THRB: variants seen among roughly 807,000 people sequenced by gnomAD.
THRB encodes thyroid hormone receptor beta.
In THRB, 12 loss-of-function variants were observed where a neutral mutation model predicts 47.8. The observed-to-expected ratio is 0.25, with a 90% CI of 0.16 to 0.41. The LOEUF is 0.41. THRB is among the 10% of genes least tolerant of loss of function. THRB has a pLI of 1.00. For missense variants in THRB, 348 were observed against 589.2 expected, an observed-to-expected ratio of 0.59 and a Z score of 4.24; for synonymous variants, 218 against 212.2, an observed-to-expected ratio of 1.03 and a Z score of -0.24.
chr3:24,142,902 A>G (rs6800731), intron 8 of THRB, among the ~76,000 whole-genome samples: 1,866 of 152,320 alleles, frequency 0.012, 31 homozygotes, highest in African/African-American at 0.042. Flanking sequence ...CACAACTGGT[A>G]ATTTTTATAA....
intron 3 of THRB, among the ~76,000 whole-genome samples, chr3:24,270,885 G>T (rs951237405): frequency 3.3e-5 from 5 of 152,158 alleles, no homozygotes; most frequent in African/African-American, 1.2e-4. Flanking sequence ...ATCTCACACA[G>T]AAATGTTTAG....
intron 4 of THRB, among the ~76,000 whole-genome samples, chr3:24,228,638 A>G (rs974385697): frequency 5.2e-4 from 52 of 100,144 alleles, no homozygotes; most frequent in Admixed American, 8.2e-4. Flanking sequence ...GTCTCAAAGA[A>G]AAAAAAAAAA....
intron 3 of THRB, among the ~76,000 whole-genome samples, chr3:24,276,122 C>T (rs565242875): frequency 1.3e-5 from 2 of 151,924 alleles, no homozygotes; most frequent in South Asian, 4.2e-4. Context: ...CTTGGAGACT[C>T]AAGGACAAGT....
At chr3:24,123,379 C>G (rs1031289858) in intron 10 of THRB, among the ~76,000 whole-genome samples, 4 of 152,106 alleles carry the variant, frequency 2.6e-5, no homozygotes, top group African/African-American at 9.7e-5. Context: ...TGTGAATTAC[C>G]TTCTTGAGTG....
intron 1 of THRB, among the ~76,000 whole-genome samples, chr3:24,470,156 G>A (rs1455634871): frequency 6.6e-6 from 1 of 152,144 alleles, no homozygotes; most frequent in Non-Finnish European, 1.5e-5. Context: ...TCCTAGCTTT[G>A]CTTGAATATC....
intron 2 of THRB, among the ~76,000 whole-genome samples, chr3:24,327,162 T>C (rs2061650748): frequency 6.6e-6 from 1 of 152,146 alleles, no homozygotes; most frequent in Non-Finnish European, 1.5e-5. Flanking sequence ...TTACAAAAAC[T>C]TGTGTTTAGA....
chr3:24,403,525 T>C (rs1419575284), intron 1 of THRB, among the ~76,000 whole-genome samples: 2 of 91,154 alleles, frequency 2.2e-5, no homozygotes, highest in African/African-American at 6.9e-5. Flanking sequence ...CATTACTTTT[T>C]CACTGTGTTG....
At chr3:24,171,954 C>G (rs1483660110) in intron 5 of THRB, among the ~76,000 whole-genome samples, 3 of 152,032 alleles carry the variant, frequency 2.0e-5, no homozygotes, top group African/African-American at 7.2e-5. Flanking sequence ...AATACAGTCC[C>G]AAGAGATGAT....
intron 1 of THRB, among the ~76,000 whole-genome samples, chr3:24,489,909 G>A (rs938853090): frequency 4.6e-5 from 7 of 152,104 alleles, no homozygotes; most frequent in African/African-American, 1.4e-4. Context: ...AAGCTCACCG[G>A]TCTAAATATA....
chr3:24,450,693 CTG>C (rs2072562170), intron 1 of THRB, among the ~76,000 whole-genome samples: 1 of 152,014 alleles, frequency 6.6e-6, no homozygotes, highest in African/African-American at 2.4e-5. Flanking sequence ...AAATGAAAAA[CTG>C]GGGTTAAAAA....
chr3:24,390,797 A>AAAT (rs5847290), intron 1 of THRB, among the ~76,000 whole-genome samples: 2,939 of 137,816 alleles, frequency 0.021, 49 homozygotes, highest in African/African-American at 0.033. Flanking sequence ...AAAAAAAAAA[A>AAAT]ATATATATAT....
intron 6 of THRB, among the ~76,000 whole-genome samples, chr3:24,150,452 T>C (rs2036752011): frequency 6.6e-6 from 1 of 152,122 alleles, no homozygotes; most frequent in Non-Finnish European, 1.5e-5. Flanking sequence ...AGAAACAGGA[T>C]TCTGACCTGA....
intron 1 of THRB, among the ~76,000 whole-genome samples, chr3:24,440,447 A>T (rs1047127617): frequency 6.6e-6 from 1 of 152,198 alleles, no homozygotes; most frequent in African/African-American, 2.4e-5. Flanking sequence ...TGCCTTTTTC[A>T]AGACGCAGCC....
chr3:24,126,922 A>G (rs2032939580), intron 10 of THRB, among the ~76,000 whole-genome samples: 1 of 152,220 alleles, frequency 6.6e-6, no homozygotes, highest in Non-Finnish European at 1.5e-5. Flanking sequence ...TTGGAAATCA[A>G]CAGCCAAGTA....
At chr3:24,170,939 T>C (rs1265429004) in intron 5 of THRB, among the ~76,000 whole-genome samples, 1 of 152,216 alleles carries the variant, frequency 6.6e-6, no homozygotes, top group Admixed American at 6.5e-5. Flanking sequence ...GATATCTGTC[T>C]GTCTAAAATC....
At chr3:24,365,095 C>G (rs2064359303) in intron 1 of THRB, among the ~76,000 whole-genome samples, 1 of 151,976 alleles carries the variant, frequency 6.6e-6, no homozygotes, top group African/African-American at 2.4e-5. Context: ...ATTTCTAAAC[C>G]CTGTGTTTAT....
chr3:24,417,571 G>A (rs2068867257), intron 1 of THRB, among the ~76,000 whole-genome samples: 1 of 151,824 alleles, frequency 6.6e-6, no homozygotes, highest in Non-Finnish European at 1.5e-5. Context: ...TATAATGTTA[G>A]CGTATTAGTA....
chr3:24,135,932 T>A (rs2034614372), intron 8 of THRB, among the ~76,000 whole-genome samples: 1 of 150,606 alleles, frequency 6.6e-6, no homozygotes, highest in African/African-American at 2.4e-5. Flanking sequence ...AATTAAGAAG[T>A]GTAATAACAT....
Position 24,146,619 on chromosome 3 carries a change from CA to C in THRB, c.532+55del, listed in dbSNP as rs2036142241. 4.4e-6 allele frequency: 7 copies of C among 1,598,674 alleles called. No individual in the cohort carries two copies. In the Admixed American group the frequency reaches 1.2e-4, roughly 27 times the overall value. On this transcript the variant is annotated intron_variant, in intron 7 of 10. Transcript: ENST00000646209. Reference sequence around the variant, plus strand: ...TTCTGCCCAGTCGATCTCCTTGAACCAAACTGTTTCCTAATCAACATTCCTT... The same window carrying C: ...TTCTGCCCAGTCGATCTCCTTGAACCAACTGTTTCCTAATCAACATTCCTT...
Sources: allele counts gnomAD v4.1 joint callset (sites outside exome capture counted in the v4.1 genomes callset), GRCh38; gene constraint gnomAD v4.1.1; transcripts MANE v1.5; gene names NCBI Gene and HGNC (gene_info 2026-07-23, HGNC 2026-07-21).